The following RARB variants were observed in gnomAD, a reference collection of about 807,000 sequenced individuals.
RARB encodes the protein HBV-activated protein.
Under a neutral mutation model 51.9 loss-of-function variants are expected in RARB, and 17 were observed. The ratio of observed to expected loss-of-function variants is 0.33; its 90% confidence interval spans 0.22 to 0.49. The LOEUF (loss-of-function observed/expected upper bound fraction) is 0.49. Ranked by LOEUF, RARB falls within the 20% of genes least tolerant of loss-of-function variation. The probability of loss-of-function intolerance (pLI) is 0.99; values close to 1 mark genes in which losing one functional copy is unlikely to be tolerated. For synonymous variants in RARB, 215 were observed against 195.4 expected, an observed-to-expected ratio of 1.10 and a Z score of -0.84; for missense variants, 369 against 550.8, an observed-to-expected ratio of 0.67 and a Z score of 3.30.
At chr3:25,043,929 T>G (rs796307427) in intron 2 of RARB, among the ~76,000 whole-genome samples, 3 of 152,294 alleles carry the variant, frequency 2.0e-5, no homozygotes, top group Admixed American at 6.5e-5. Context: ...CAGAAGTACC[T>G]CTCAATGGTT....
intron 5 of RARB, among the ~76,000 whole-genome samples, chr3:25,210,553 T>TTTTTTTTTTTTTGTTTTTTTGA (rs869216441): frequency 1.2e-5 from 1 of 82,498 alleles, no homozygotes; most frequent in Non-Finnish European, 2.4e-5. Context: ...TTTTTTTTTT[T>TTTTTTTTTTTTTGTTTTTTTGA]GAGATTGAGT....
intron 1 of RARB, among the ~76,000 whole-genome samples, chr3:24,837,726 C>G (rs1044472724): frequency 1.3e-5 from 2 of 152,088 alleles, no homozygotes; most frequent in Non-Finnish European, 2.9e-5. Context: ...TCTAAATCAC[C>G]AGAATTGGCT....
intron 3 of RARB, among the ~76,000 whole-genome samples, chr3:25,537,242 G>C (rs551684876): frequency 6.6e-6 from 1 of 152,316 alleles, no homozygotes; most frequent in Non-Finnish European, 1.5e-5. Context: ...CTGACAACAA[G>C]AAGCATCTGG....
chr3:25,468,297 G>A (rs1264168147), intron 2 of RARB, among the ~76,000 whole-genome samples: 1 of 149,152 alleles, frequency 6.7e-6, no homozygotes, highest in Admixed American at 6.7e-5. Context: ...TCCAGTGTTT[G>A]TACGTCCAAG....
At chr3:25,283,381 C>G (rs1703571330) in intron 5 of RARB, among the ~76,000 whole-genome samples, 1 of 152,136 alleles carries the variant, frequency 6.6e-6, no homozygotes, top group Non-Finnish European at 1.5e-5. Flanking sequence ...TCTTTCATAC[C>G]CAGTCCACTT....
chr3:25,235,144 T>A (rs565024749), intron 5 of RARB, among the ~76,000 whole-genome samples: 1 of 152,136 alleles, frequency 6.6e-6, no homozygotes, highest in Non-Finnish European at 1.5e-5. Flanking sequence ...CCAGAAAACT[T>A]AGTGGTTCTG....
At chr3:25,162,309 A>T (rs954913308) in intron 4 of RARB, among the ~76,000 whole-genome samples, 1 of 152,148 alleles carries the variant, frequency 6.6e-6, no homozygotes, top group South Asian at 2.1e-4. Context: ...GAGTCTTGCT[A>T]TGTTGCCCAA....
chr3:25,246,413 G>C (rs1002707004), intron 5 of RARB, among the ~76,000 whole-genome samples: 1 of 152,084 alleles, frequency 6.6e-6, no homozygotes, highest in Non-Finnish European at 1.5e-5. Flanking sequence ...CTGGTTTTTG[G>C]AATTTTCCGC....
At chr3:25,538,670 A>G (rs1234363258) in intron 3 of RARB, among the ~76,000 whole-genome samples, 1 of 152,220 alleles carries the variant, frequency 6.6e-6, no homozygotes, top group East Asian at 1.9e-4. Context: ...ACTGTATTTT[A>G]TAAAAGTATT....
intron 2 of RARB, among the ~76,000 whole-genome samples, chr3:24,889,576 A>G (rs1027961180): frequency 6.6e-6 from 1 of 152,078 alleles, no homozygotes; most frequent in African/African-American, 2.4e-5. Context: ...TTCATAACAA[A>G]CATTTGCTTG....
intron 3 of RARB, among the ~76,000 whole-genome samples, chr3:25,100,399 T>C (rs774886995): frequency 2.6e-5 from 4 of 152,144 alleles, no homozygotes; most frequent in Admixed American, 6.5e-5. Flanking sequence ...GTTCTAGATA[T>C]AGAATTTATT....
At chr3:25,406,262 G>A (rs1451282334) in intron 5 of RARB, among the ~76,000 whole-genome samples, 1 of 152,162 alleles carries the variant, frequency 6.6e-6, no homozygotes, top group Non-Finnish European at 1.5e-5. Flanking sequence ...CAGAAGAGTT[G>A]TCCTCCTGTA....
At chr3:25,568,911 C>T (rs1389084332) in intron 3 of RARB, among the ~76,000 whole-genome samples, 2 of 152,242 alleles carry the variant, frequency 1.3e-5, no homozygotes, top group African/African-American at 2.4e-5. Flanking sequence ...CTTTGAGTTA[C>T]ACTCGGATTT....
chr3:25,546,452 G>C (rs1699620769), intron 3 of RARB, among the ~76,000 whole-genome samples: 1 of 152,080 alleles, frequency 6.6e-6, no homozygotes, highest in Non-Finnish European at 1.5e-5. Flanking sequence ...AGCGATGAGT[G>C]GTGGGGAGGA....
At chr3:25,092,237 C>T (rs142994375) in intron 3 of RARB, among the ~76,000 whole-genome samples, 417 of 152,174 alleles carry the variant, frequency 2.7e-3, no homozygotes, top group African/African-American at 9.6e-3. Flanking sequence ...AGTATCCAAC[C>T]GAAAAGGTTG....
intron 2 of RARB, among the ~76,000 whole-genome samples, chr3:25,493,895 T>C: frequency 6.6e-6 from 1 of 152,172 alleles, no homozygotes; most frequent in South Asian, 2.1e-4. Context: ...AAAAATAACT[T>C]CCATTCAAAA....
intron 5 of RARB, among the ~76,000 whole-genome samples, chr3:25,237,899 CATAAT>C (rs1282005456): frequency 6.6e-6 from 1 of 151,860 alleles, no homozygotes; most frequent in Non-Finnish European, 1.5e-5. Flanking sequence ...TTTATTGATA[CATAAT>C]ATTTGTACAT....
intron 5 of RARB, among the ~76,000 whole-genome samples, chr3:25,372,295 G>A (rs941705410): frequency 3.9e-5 from 6 of 152,044 alleles, no homozygotes; most frequent in African/African-American, 9.7e-5. Context: ...CAACATCCCC[G>A]GATTCTACCC....
intron 5 of RARB, among the ~76,000 whole-genome samples, chr3:25,260,946 G>A (rs983289952): frequency 6.6e-6 from 1 of 152,146 alleles, no homozygotes; most frequent in Non-Finnish European, 1.5e-5. Flanking sequence ...AGCCTCTGGA[G>A]AATGTTGGCC....
Sources: allele counts gnomAD v4.1 joint callset (sites outside exome capture counted in the v4.1 genomes callset), GRCh38; gene constraint gnomAD v4.1.1; transcripts MANE v1.5; gene names NCBI Gene and HGNC (gene_info 2026-07-23, HGNC 2026-07-21).